The following OR2A25 variants were observed in gnomAD, a reference collection of about 807,000 sequenced individuals.
OR2A25 encodes the protein olfactory receptor family 2 subfamily A member 25.
For missense variants in OR2A25, 362 were observed against 368.3 expected (o/e 0.98, Z 0.14); for synonymous variants, 162 against 148.1 (o/e 1.09, Z -0.68).
In OR2A25 at chr7:144,074,444, C is replaced by G. The variant is rs771662351; in HGVS notation, c.225C>G (p.Ser75Arg). The G allele has an allele frequency of 1.9e-6, 3 of 1,614,106 alleles. No individual in the cohort carries two copies. The Admixed American group carries it at 5.0e-5, about 27-fold the overall frequency. Reference protein sequence around the residue: ...LAVVDIACACSTVPQMLVNLL... With the variant: ...LAVVDIACACRTVPQMLVNLL... Reference sequence around the variant, plus strand: ...TCGTCGACATCGCCTGTGCTTGCAGCACGGTGCCCCAGATGCTGGTGAACC... The same window carrying G: ...TCGTCGACATCGCCTGTGCTTGCAGGACGGTGCCCCAGATGCTGGTGAACC... The change falls in exon 2 of 2, where the codon AGC (serine) becomes AGG (arginine). Residue 75 changes from serine (S) to arginine (R), a missense_variant. By Grantham distance (110) the Ser-to-Arg change is moderately radical (BLOSUM62 -1). Coordinates refer to ENST00000641663, the MANE Select transcript of OR2A25 (RefSeq NM_001386096.1).
intron 1 of OR2A25, among the ~76,000 whole-genome samples, chr7:144,073,829 C>T (rs991008448): frequency 9.9e-5 from 15 of 152,188 alleles, no homozygotes; most frequent in African/African-American, 3.6e-4. Flanking sequence ...GACACCAGCA[C>T]ACTTCCACAT....
chr7:144,071,330 T>C (rs2051065161), intron 1 of OR2A25, among the ~76,000 whole-genome samples: 1 of 152,112 alleles, frequency 6.6e-6, no homozygotes, highest in Admixed American at 6.6e-5. Context: ...TTTCCATCCA[T>C]GTTGTTGCAA....
In OR2A25 at chr7:144,074,540, A is replaced by G; in HGVS notation, c.321A>G (p.Ala107=). 6.2e-7 allele frequency: 1 copy of G among 1,614,192 alleles called. No individual in the cohort carries two copies. The highest frequency in any genetic ancestry group is 8.5e-7 in the Non-Finnish European group (1 of 1,180,046). The part of the protein sequence containing the change: ...MTQMFLFLSF[A]HTECLLLVVM... ...AGATGTTTCTGTTTTTGAGTTTTGC[A>G]CATACAGAATGTCTCCTCCTGGTGG... Residue 107 remains alanine (A), a synonymous_variant, in exon 2 of 2, where the codon GCA becomes GCG. Transcript: ENST00000641663.
chr7:144,071,038 C>A (rs1380868232), intron 1 of OR2A25, among the ~76,000 whole-genome samples: 1 of 151,972 alleles, frequency 6.6e-6, no homozygotes, highest in Non-Finnish European at 1.5e-5. Context: ...GAATTACATT[C>A]TTTAATTATT....
In OR2A25 at chr7:144,075,263, T is replaced by C. The variant is rs936686500; in HGVS notation, c.*111T>C. On this transcript the variant is annotated 3_prime_UTR_variant, in exon 2 of 2. Coordinates refer to ENST00000641663, the MANE Select transcript of OR2A25 (RefSeq NM_001386096.1). ...ACTCTAGAGAACCCTTTCCATCTTCTTGAAATTTTCCTATGACTACCTCCC... is the reference window on the plus strand; with the variant it reads ...ACTCTAGAGAACCCTTTCCATCTTCCTGAAATTTTCCTATGACTACCTCCC... 1.2e-6 allele frequency: 1 copy of C among 820,594 alleles called. No homozygotes were observed. The highest frequency in any genetic ancestry group is 1.9e-6 in the Non-Finnish European group (1 of 517,254). The allele number at this position is 820,594 out of a possible 1,614,324, so 50.8% of individuals were successfully genotyped here. A position where few individuals can be genotyped will look rare whatever the true frequency, so the allele number is the denominator to read the frequency against.
At chr7:144,071,554 T>A (rs1563034490) in intron 1 of OR2A25, among the ~76,000 whole-genome samples, 1 of 151,580 alleles carries the variant, frequency 6.6e-6, no homozygotes, top group African/African-American at 2.4e-5. Flanking sequence ...CTGGAATATT[T>A]GTGAGTATTT....
rs771838878 is a variant in OR2A25, at chr7:144,074,504, C to T, written c.285C>T (p.Gly95=). 1.2e-6 allele frequency: 2 copies of T among 1,614,230 alleles called. No individual in the cohort carries two copies. Among genetic ancestry groups the T allele is most frequent in the Admixed American group, 1.7e-5 (1 of 60,030 alleles). Residue 95 remains glycine, a synonymous_variant, in exon 2 of 2, where the codon GGC becomes GGT. Coordinates refer to ENST00000641663, the MANE Select transcript of OR2A25 (RefSeq NM_001386096.1). ...CAGCCAAGCCCATCTCCTTTGCTGG[C>T]TGCATGACCCAGATGTTTCTGTTTT... The part of the protein sequence containing the change: ...LHPAKPISFA[G]CMTQMFLFLS...
intron 1 of OR2A25, chr7:144,070,475 T>G (rs1029624643): frequency 6.6e-6 from 1 of 152,138 alleles, no homozygotes; most frequent in Non-Finnish European, 1.5e-5. Context: ...ACTGTAATTC[T>G]TACCTGTTAA....
Position 144,074,883 on chromosome 7 carries a change from T to C in OR2A25, c.664T>C (p.Cys222Arg), listed in dbSNP as rs371363692. Residue 222 changes from cysteine (C) to arginine (R), a missense_variant, in exon 2 of 2, where the codon TGT (cysteine) becomes CGT (arginine). Transcript: ENST00000641663. Reference protein sequence around the residue: ...STVISYVHILCAILKIQSGEG... With the variant: ...STVISYVHILRAILKIQSGEG... ...TGTAATATCTTATGTTCATATTCTATGTGCCATTCTAAAGATCCAGTCAGG... is the reference window on the plus strand; with the variant it reads ...TGTAATATCTTATGTTCATATTCTACGTGCCATTCTAAAGATCCAGTCAGG... 265 of 1,614,004 alleles carry C rather than the reference T, an allele frequency of 1.6e-4. No homozygotes were observed. Among genetic ancestry groups the C allele is most frequent in the Non-Finnish European group, 2.0e-4 (239 of 1,180,040 alleles).
At chr7:144,074,041 A>G (rs2051087596) in intron 1 of OR2A25, 175 bp from the exon 2 acceptor site, 1 of 625,898 alleles carries the variant, frequency 1.6e-6, no homozygotes, top group Non-Finnish European at 2.9e-6. Context: ...AGATGACAAA[A>G]TGTCCTTGTG....
intron 1 of OR2A25, among the ~76,000 whole-genome samples, chr7:144,072,859 T>C (rs2051077177): frequency 6.6e-6 from 1 of 152,122 alleles, no homozygotes; most frequent in African/African-American, 2.4e-5. Flanking sequence ...CATCAATGAA[T>C]GAATAAAGAA....
In OR2A25 at chr7:144,075,267, A is replaced by G; in HGVS notation, c.*115A>G. 1 of 781,368 alleles carries G rather than the reference A, an allele frequency of 1.3e-6. No individual in the cohort carries two copies. The highest frequency in any genetic ancestry group is 1.8e-5 in the South Asian group (1 of 54,122). 48.4% of individuals were successfully genotyped at this position (781,368 alleles called of 1,614,324 possible). On this transcript the variant is annotated 3_prime_UTR_variant, in exon 2 of 2. Coordinates refer to ENST00000641663, the MANE Select transcript of OR2A25 (RefSeq NM_001386096.1). ...TAGAGAACCCTTTCCATCTTCTTGA[A>G]ATTTTCCTATGACTACCTCCCGAGA...
In OR2A25 at chr7:144,075,720, T is replaced by C. The variant is rs1026358538; in HGVS notation, c.*568T>C. On this transcript the variant is annotated 3_prime_UTR_variant, in exon 2 of 2. Coordinates refer to ENST00000641663, the MANE Select transcript of OR2A25 (RefSeq NM_001386096.1). ...GGCGGGCGCCTGTAGTCCCAGCTAC[T>C]CGGGAGGCTGAGGCAGGAGAATGGC... 7 of 151,892 alleles carry C rather than the reference T, an allele frequency of 4.6e-5. No individual in the cohort carries two copies. The highest frequency in any genetic ancestry group is 1.7e-4 in the African/African-American group (7 of 41,278). 9.4% of individuals were successfully genotyped at this position (151,892 alleles called of 1,614,324 possible).
At chr7:144,072,446 A>G (rs1300169064) in intron 1 of OR2A25, among the ~76,000 whole-genome samples, 1 of 152,122 alleles carries the variant, frequency 6.6e-6, no homozygotes, top group African/African-American at 2.4e-5. Flanking sequence ...CATTCTATGA[A>G]TATAAGTATA....
intron 1 of OR2A25, among the ~76,000 whole-genome samples, chr7:144,073,804 TTA>T (rs2051085249): frequency 6.6e-6 from 1 of 152,192 alleles, no homozygotes; most frequent in African/African-American, 2.4e-5. Context: ...CTTTCTATCC[TTA>T]TATATAGACA....
chr7:144,075,082 T>G lies in OR2A25; in HGVS notation c.863T>G (p.Ile288Ser), dbSNP rs775130687. ...SLFNPMLNPL[I>S]YSLRNKEVQG... ...TTCAATCCCATGCTTAATCCCCTAA[T>G]TTATAGTCTTAGGAACAAGGAAGTC... The change falls in exon 2 of 2, where the codon ATT becomes AGT. Residue 288 changes from isoleucine (I) to serine (S), a missense_variant. Physicochemically the swap from Ile to Ser is moderately radical, Grantham distance 142. Coordinates refer to ENST00000641663, the MANE Select transcript of OR2A25 (RefSeq NM_001386096.1). 4 of 1,613,942 alleles carry G rather than the reference T, an allele frequency of 2.5e-6. No homozygotes were observed. The highest frequency in any genetic ancestry group is 3.4e-6 in the Non-Finnish European group (4 of 1,179,946).
chr7:144,071,263 A>G (rs1429099204), intron 1 of OR2A25, among the ~76,000 whole-genome samples: 1 of 152,100 alleles, frequency 6.6e-6, no homozygotes, highest in Non-Finnish European at 1.5e-5. Flanking sequence ...ATAAGTGGGA[A>G]CATGTGATGT....
At position 144,074,836 on chromosome 7, in the gene OR2A25, T is replaced by C. The variant is rs775988324; in HGVS notation, c.617T>C (p.Leu206Pro). The C allele has an allele frequency of 2.8e-5, 45 of 1,614,080 alleles. No homozygotes were observed. The Admixed American group carries it at 7.3e-4, about 26-fold the overall frequency. The change falls in exon 2 of 2, where the codon CTG becomes CCG. Residue 206 changes from leucine (L) to proline (P), a missense_variant. By Grantham distance (98) the Leu-to-Pro change is moderately conservative (BLOSUM62 -3). Transcript: ENST00000641663. Reference protein sequence around the residue: ...VMVLAGAVSVLVGAFFSTVIS... With the variant: ...VMVLAGAVSVPVGAFFSTVIS... Reference sequence around the variant, plus strand: ...GTTTTGGCAGGGGCAGTGTCTGTGCTGGTGGGAGCCTTCTTTTCCACTGTA... The same window carrying C: ...GTTTTGGCAGGGGCAGTGTCTGTGCCGGTGGGAGCCTTCTTTTCCACTGTA...
chr7:144,075,663 A>C lies in OR2A25; in HGVS notation c.*511A>C. On this transcript the variant is annotated 3_prime_UTR_variant, in exon 2 of 2. Transcript: ENST00000641663. Reference sequence around the variant, plus strand: ...GCTAACACGGTGAAACCCCGTTTCTACTAAAAATACAAAAAATTAGCCGGG... The same window carrying C: ...GCTAACACGGTGAAACCCCGTTTCTCCTAAAAATACAAAAAATTAGCCGGG... The C allele has an allele frequency of 6.6e-6, 1 of 152,052 alleles. No homozygotes were observed. Among genetic ancestry groups the C allele is most frequent in the Non-Finnish European group, 1.5e-5 (1 of 68,254 alleles). The allele number at this position is 152,052 out of a possible 1,614,324, so 9.4% of individuals were successfully genotyped here.
Sources: allele counts gnomAD v4.1 joint callset (sites outside exome capture counted in the v4.1 genomes callset), GRCh38; gene constraint gnomAD v4.1.1; transcripts MANE v1.5; gene names NCBI Gene and HGNC (gene_info 2026-07-23, HGNC 2026-07-21).